Variants in IL1RAPL1 observed in about 807,000 individuals in gnomAD.
The protein encoded by IL1RAPL1 is interleukin 1 receptor accessory protein like 1.
A neutral mutation model predicts 48.4 loss-of-function variants in IL1RAPL1; 3 were observed. That is an observed-to-expected ratio of 0.06 (90% confidence interval 0.03 to 0.16). The LOEUF is 0.16. Among genes scored for constraint, IL1RAPL1 ranks in the 10% least tolerant of loss-of-function variants. IL1RAPL1 has a pLI of 1.00. For synonymous variants in IL1RAPL1, 185 were observed against 187.7 expected, an observed-to-expected ratio of 0.99 and a Z score of 0.12; for missense variants, 349 against 530.6, an observed-to-expected ratio of 0.66 and a Z score of 3.36.
chrX:29,934,705 C>G (rs1015061138), intron 8 of IL1RAPL1, among the ~76,000 whole-genome samples: 1 of 111,610 alleles, frequency 9.0e-6, no homozygotes, highest in African/African-American at 3.3e-5. Context: ...CACACACACA[C>G]AACATATCAT....
intron 2 of IL1RAPL1, among the ~76,000 whole-genome samples, chrX:28,883,507 A>G (rs1210774356): frequency 1.8e-5 from 2 of 112,073 alleles, no homozygotes; most frequent in East Asian, 5.6e-4. Flanking sequence ...GTGATCACAT[A>G]TTGTACAGAT....
intron 5 of IL1RAPL1, among the ~76,000 whole-genome samples, chrX:29,443,231 G>GCTCTCTCTCTCTCTCTCTCTCTCTCT (rs376805298): frequency 6.4e-5 from 6 of 93,961 alleles, no homozygotes; most frequent in South Asian, 1.2e-3. Context: ...GCTCTCGCTT[G>GCTCTCTCTCTCTCTCTCTCTCTCTCT]CTCTCTCTCT....
At chrX:29,585,462 A>G (rs997462900) in intron 5 of IL1RAPL1, among the ~76,000 whole-genome samples, 4 of 112,439 alleles carry the variant, frequency 3.6e-5, no homozygotes, top group East Asian at 5.6e-4. Context: ...TTGTTTCCAC[A>G]TCTTGCTATT....
chrX:29,298,850 C>T (rs1932489303), intron 3 of IL1RAPL1, among the ~76,000 whole-genome samples: 1 of 111,289 alleles, frequency 9.0e-6, no homozygotes, highest in African/African-American at 3.3e-5. Context: ...TGATAAAACT[C>T]AGGAACACAC....
chrX:29,827,851 T>C (rs984316951), intron 6 of IL1RAPL1, among the ~76,000 whole-genome samples: 5 of 112,251 alleles, frequency 4.5e-5, no homozygotes, highest in Admixed American at 1.9e-4. Context: ...GTGTGGCACA[T>C]AGTGTTACAT....
chrX:29,305,087 G>T (rs1932597236), intron 3 of IL1RAPL1, among the ~76,000 whole-genome samples: 1 of 112,400 alleles, frequency 8.9e-6, no homozygotes, highest in African/African-American at 3.2e-5. Flanking sequence ...GAAACCCAAT[G>T]AGAAATCACA....
At chrX:29,047,852 T>A (rs1381637841) in intron 2 of IL1RAPL1, among the ~76,000 whole-genome samples, 1 of 110,585 alleles carries the variant, frequency 9.0e-6, no homozygotes, top group Non-Finnish European at 1.9e-5. Context: ...GCCTCCTAAA[T>A]TCAACCTTTT....
intron 5 of IL1RAPL1, among the ~76,000 whole-genome samples, chrX:29,507,895 T>C (rs191484412): frequency 5.7e-4 from 64 of 111,879 alleles, no homozygotes; most frequent in Middle Eastern, 4.6e-3. Flanking sequence ...ATTTACTTTT[T>C]TTTTGGACTT....
chrX:29,368,590 C>CTTTTTT (rs894805840), intron 3 of IL1RAPL1, among the ~76,000 whole-genome samples: 28 of 87,662 alleles, frequency 3.2e-4, no homozygotes, highest in African/African-American at 1.1e-3. Context: ...CTTTTTCTTT[C>CTTTTTT]TTTTTTTTTT....
chrX:29,571,323 A>G (rs1344478277), intron 5 of IL1RAPL1, among the ~76,000 whole-genome samples: 5 of 111,728 alleles, frequency 4.5e-5, no homozygotes, highest in Admixed American at 1.9e-4. Context: ...ATTAAAATTA[A>G]AATGGAAAGA....
chrX:28,918,107 T>C (rs908138093), intron 2 of IL1RAPL1, among the ~76,000 whole-genome samples: 2 of 112,594 alleles, frequency 1.8e-5, no homozygotes, highest in African/African-American at 6.4e-5. Context: ...TCTTTAAACA[T>C]ATTGACAGTC....
chrX:29,265,779 T>C (rs1931946537), intron 2 of IL1RAPL1, among the ~76,000 whole-genome samples: 1 of 109,112 alleles, frequency 9.2e-6, no homozygotes, highest in Admixed American at 9.8e-5. Context: ...GTTTCATCCA[T>C]GTCCCCACAA....
chrX:28,600,158 A>G (rs1054006250), intron 1 of IL1RAPL1, among the ~76,000 whole-genome samples: 1 of 112,180 alleles, frequency 8.9e-6, no homozygotes, highest in Non-Finnish European at 1.9e-5. Flanking sequence ...CCCTTGAGGC[A>G]TGATGCAATA....
At chrX:29,039,343 G>A (rs775501038) in intron 2 of IL1RAPL1, among the ~76,000 whole-genome samples, 4 of 111,658 alleles carry the variant, frequency 3.6e-5, no homozygotes, top group African/African-American at 1.3e-4. Flanking sequence ...GCTTCCCAGG[G>A]AGGCAGTCCT....
chrX:29,265,183 G>A (rs1931931157), intron 2 of IL1RAPL1, among the ~76,000 whole-genome samples: 1 of 110,963 alleles, frequency 9.0e-6, no homozygotes, highest in African/African-American at 3.3e-5. Flanking sequence ...AAAGTGCTGG[G>A]ATTACAGGCA....
intron 2 of IL1RAPL1, among the ~76,000 whole-genome samples, chrX:28,931,773 C>T (rs762078140): frequency 9.0e-6 from 1 of 111,376 alleles, no homozygotes; most frequent in South Asian, 3.7e-4. Flanking sequence ...TGCGGTGGCT[C>T]ACGCCTGTAA....
intron 3 of IL1RAPL1, among the ~76,000 whole-genome samples, chrX:29,371,103 CTT>C (rs1277435480): frequency 2.1e-5 from 2 of 95,834 alleles, no homozygotes; most frequent in Non-Finnish European, 4.2e-5. Flanking sequence ...ATCACTAGAA[CTT>C]ATTTCTCCTA....
chrX:29,899,702 C>T (rs1421301613), intron 6 of IL1RAPL1, among the ~76,000 whole-genome samples: 1 of 109,197 alleles, frequency 9.2e-6, no homozygotes, highest in Non-Finnish European at 1.9e-5. Context: ...TGCCACCACG[C>T]CTGGCTAATT....
chrX:28,953,228 G>C (rs946935621), intron 2 of IL1RAPL1, among the ~76,000 whole-genome samples: 1 of 111,191 alleles, frequency 9.0e-6, no homozygotes, highest in Non-Finnish European at 1.9e-5. Flanking sequence ...CAAAATTTCA[G>C]CTATAGTCTA....
Sources: allele counts gnomAD v4.1 joint callset (sites outside exome capture counted in the v4.1 genomes callset), GRCh38; gene constraint gnomAD v4.1.1; transcripts MANE v1.5; gene names NCBI Gene and HGNC (gene_info 2026-07-23, HGNC 2026-07-21).